The following LRRC3B variants were observed in gnomAD, a reference collection of about 807,000 sequenced individuals.
The protein encoded by LRRC3B is leucine rich repeat containing 3B.
In LRRC3B, 2 loss-of-function variants were observed where a neutral mutation model predicts 12.8. That is an observed-to-expected ratio of 0.16 (90% confidence interval 0.06 to 0.49). The LOEUF is 0.49. LRRC3B is among the 20% of genes least tolerant of loss of function. The pLI is 0.96. For missense variants in LRRC3B, 189 were observed against 319.4 expected (o/e 0.59, Z 3.11); for synonymous variants, 132 against 122.0 (o/e 1.08, Z -0.54).
intron 1 of LRRC3B, among the ~76,000 whole-genome samples, chr3:26,704,704 C>T (rs1700542684): frequency 6.6e-6 from 1 of 152,060 alleles, no homozygotes; most frequent in Non-Finnish European, 1.5e-5. Context: ...GCACCCAGCT[C>T]TCCATTTTTT....
intron 1 of LRRC3B, among the ~76,000 whole-genome samples, chr3:26,681,624 A>C (rs748387451): frequency 1.3e-5 from 2 of 152,222 alleles, no homozygotes; most frequent in Admixed American, 6.5e-5. Flanking sequence ...ATAGGATAAC[A>C]TGAAGTGTAT....
intron 1 of LRRC3B, among the ~76,000 whole-genome samples, chr3:26,683,461 A>G (rs982153400): frequency 5.3e-5 from 8 of 152,328 alleles, no homozygotes; most frequent in African/African-American, 1.4e-4. Context: ...TAGAGAAATA[A>G]ACAAGGGGGT....
At chr3:26,658,355 G>A (rs979340025) in intron 1 of LRRC3B, among the ~76,000 whole-genome samples, 2 of 152,230 alleles carry the variant, frequency 1.3e-5, no homozygotes, top group African/African-American at 2.4e-5. Flanking sequence ...ACCACGCCCG[G>A]CCAAGTCAGC....
intron 1 of LRRC3B, among the ~76,000 whole-genome samples, chr3:26,667,847 A>G (rs899423758): frequency 6.6e-6 from 1 of 152,012 alleles, no homozygotes; most frequent in Admixed American, 6.6e-5. Flanking sequence ...GGAGGCAAAT[A>G]CCAACCCTGA....
intron 1 of LRRC3B, among the ~76,000 whole-genome samples, chr3:26,664,758 C>T (rs761996214): frequency 2.2e-4 from 33 of 152,028 alleles, no homozygotes; most frequent in Non-Finnish European, 1.3e-4. Context: ...TTTGTTCCCA[C>T]AAGGGGTGAG....
chr3:26,655,422 T>C (rs1314344591), intron 1 of LRRC3B, among the ~76,000 whole-genome samples: 1 of 152,212 alleles, frequency 6.6e-6, no homozygotes, highest in East Asian at 1.9e-4. Context: ...GCAGTTTGTT[T>C]ATGTAGACTA....
intron 1 of LRRC3B, among the ~76,000 whole-genome samples, chr3:26,657,297 C>G (rs1699391617): frequency 1.3e-5 from 2 of 152,204 alleles, no homozygotes; most frequent in Admixed American, 1.3e-4. Flanking sequence ...TATGAGAGAA[C>G]AGTCTGAATC....
chr3:26,659,125 A>T (rs1699440033), intron 1 of LRRC3B, among the ~76,000 whole-genome samples: 1 of 152,244 alleles, frequency 6.6e-6, no homozygotes, highest in African/African-American at 2.4e-5. Context: ...AGCCATATGT[A>T]TGCTGCCAAA....
In LRRC3B at chr3:26,660,528, T is replaced by C. The variant is rs190118372; in HGVS notation, c.-161+37291T>C. On this transcript the variant is annotated intron_variant, in intron 1 of 1. Transcript: ENST00000396641. ...AAAGGAGAACCATCAAACATCATCA[T>C]TTTCCTTCAACTGTGGCTTCTAAGA... Among the ~76,000 whole-genome samples, 25 of 152,320 alleles carry C rather than the reference T, an allele frequency of 1.6e-4. No individual in the cohort carries two copies. In the East Asian group the frequency reaches 4.6e-3, roughly 28 times the overall value.
At chr3:26,659,584 T>G (rs1448831955) in intron 1 of LRRC3B, among the ~76,000 whole-genome samples, 1 of 152,260 alleles carries the variant, frequency 6.6e-6, no homozygotes, top group African/African-American at 2.4e-5. Context: ...AATAGTATTT[T>G]GTAAATATCC....
chr3:26,697,233 A>G (rs1342234158), intron 1 of LRRC3B, among the ~76,000 whole-genome samples: 1 of 152,206 alleles, frequency 6.6e-6, no homozygotes, highest in Non-Finnish European at 1.5e-5. Context: ...ATCAGTTTCA[A>G]TGGACAAAAA....
chr3:26,706,183 G>A (rs573099423), intron 1 of LRRC3B, among the ~76,000 whole-genome samples: 15 of 152,008 alleles, frequency 9.9e-5, no homozygotes, highest in Admixed American at 3.9e-4. Flanking sequence ...ATAAGGGCAC[G>A]AACTCCATTC....
intron 1 of LRRC3B, among the ~76,000 whole-genome samples, chr3:26,652,986 C>T (rs1175637973): frequency 2.0e-5 from 3 of 151,922 alleles, no homozygotes; most frequent in African/African-American, 7.3e-5. Context: ...GTCATTTCCA[C>T]CAGTTCCAGG....
At chr3:26,676,536 G>GAGAT (rs1298960333) in intron 1 of LRRC3B, among the ~76,000 whole-genome samples, 3 of 152,150 alleles carry the variant, frequency 2.0e-5, no homozygotes, top group Non-Finnish European at 2.9e-5. Flanking sequence ...AAAGCACAAT[G>GAGAT]AGATACCATC....
intron 1 of LRRC3B, among the ~76,000 whole-genome samples, chr3:26,636,976 C>CTT (rs1559350481): frequency 4.7e-4 from 53 of 112,090 alleles, no homozygotes; most frequent in East Asian, 1.6e-3. Context: ...CTTTCTTTCT[C>CTT]TCTCTCTCTT....
At chr3:26,696,927 T>A (rs978492797) in intron 1 of LRRC3B, among the ~76,000 whole-genome samples, 14 of 152,250 alleles carry the variant, frequency 9.2e-5, no homozygotes, top group African/African-American at 2.2e-4. Flanking sequence ...TTTGAAAAAA[T>A]TTTATCTCTG....
At chr3:26,679,030 G>A (rs1559364406) in intron 1 of LRRC3B, among the ~76,000 whole-genome samples, 1 of 152,174 alleles carries the variant, frequency 6.6e-6, no homozygotes, top group African/African-American at 2.4e-5. Flanking sequence ...CAAATCCTAT[G>A]CTCATGAATA....
chr3:26,674,649 A>AAT (rs1316393215), intron 1 of LRRC3B, among the ~76,000 whole-genome samples: 1 of 152,182 alleles, frequency 6.6e-6, no homozygotes, highest in Non-Finnish European at 1.5e-5. Flanking sequence ...TTTGATGGTA[A>AAT]ATATATATAA....
At chr3:26,693,199 C>T (rs940232075) in intron 1 of LRRC3B, among the ~76,000 whole-genome samples, 8 of 149,422 alleles carry the variant, frequency 5.4e-5, no homozygotes, top group African/African-American at 1.8e-4. Flanking sequence ...CATGGTGGCG[C>T]GTGCCTGTAG....
Sources: gnomAD v4.1 joint callset for allele counts (sites outside exome capture counted in the v4.1 genomes callset) on GRCh38, gnomAD v4.1.1 for gene constraint, MANE v1.5 for transcripts, NCBI Gene and HGNC (gene_info 2026-07-23, HGNC 2026-07-21) for gene names.